Variants in CCNB3 observed in about 807,000 individuals in gnomAD.
The protein encoded by CCNB3 is cyclin B3.
CCNB3 carries 12 observed loss-of-function variants against 68.0 expected under a neutral mutation model. The observed-to-expected ratio is 0.18, with a 90% CI of 0.11 to 0.29. CCNB3 has a LOEUF of 0.29. Ranked by LOEUF, CCNB3 falls within the 10% of genes least tolerant of loss-of-function variation. The probability of loss-of-function intolerance (pLI) is 1.00; values close to 1 mark genes in which losing one functional copy is unlikely to be tolerated. For missense variants in CCNB3, 904 were observed against 993.1 expected (o/e 0.91, Z 1.21); for synonymous variants, 354 against 388.9 (o/e 0.91, Z 1.06).
chrX:50,227,174 G>T (rs1194081686), intron 1 of CCNB3, among the ~76,000 whole-genome samples: 7 of 77,324 alleles, frequency 9.1e-5, no homozygotes, highest in Non-Finnish European at 1.6e-4. Flanking sequence ...TATATATATA[G>T]AATATAAGTA....
chrX:50,217,504 C>T (rs1935596921), intron 1 of CCNB3, among the ~76,000 whole-genome samples: 1 of 110,326 alleles, frequency 9.1e-6, no homozygotes, highest in Non-Finnish European at 1.9e-5. Context: ...CATCTCCTGA[C>T]CTCGTGATCT....
chrX:50,310,836 G>A lies in CCNB3; in HGVS notation c.2667G>A (p.Glu889=), dbSNP rs1661237254. 5.0e-6 allele frequency: 6 copies of A among 1,210,303 alleles called. 1 individual carries two copies. The African/African-American group carries it at 7.0e-5, about 14-fold the overall frequency. The change falls in exon 6 of 13, where the codon GAG becomes GAA. Residue 889 remains glutamate (E), a synonymous_variant. Coordinates refer to ENST00000376042, the MANE Select transcript of CCNB3 (RefSeq NM_033031.3). ...ALWEKPSTEK[E]TIFKESLDLQ... ...GGGAGAAGCCCAGCACTGAGAAGGA[G>A]ACCATCTTCAAGGAGTCTTTGGACT... is the stretch of plus-strand genomic sequence containing the variant.
At chrX:50,213,254 C>T (rs1426273880) in intron 1 of CCNB3, among the ~76,000 whole-genome samples, 1 of 112,164 alleles carries the variant, frequency 8.9e-6, no homozygotes, top group Non-Finnish European at 1.9e-5. Context: ...AGGTCTTTCT[C>T]TTAATGATGT....
chrX:50,226,904 A>AATATATAGTATATATATATTCT (rs1935847998), intron 1 of CCNB3, among the ~76,000 whole-genome samples: 3 of 54,313 alleles, frequency 5.5e-5, no homozygotes, highest in African/African-American at 3.2e-4. Context: ...ATATATATAG[A>AATATATAGTATATATATATTCT]ATATATAGTA....
intron 8 of CCNB3, among the ~76,000 whole-genome samples, chrX:50,316,908 A>G (rs1319441486): frequency 8.9e-6 from 1 of 112,348 alleles, no homozygotes; most frequent in Non-Finnish European, 1.9e-5. Context: ...CTGTACATTA[A>G]TGTACAGGTT....
chrX:50,306,804 A>G (rs1293836642), intron 5 of CCNB3, among the ~76,000 whole-genome samples: 1 of 111,884 alleles, frequency 8.9e-6, no homozygotes, highest in Non-Finnish European at 1.9e-5. Flanking sequence ...TTAATTTTGC[A>G]TTCCTGGTAT....
At chrX:50,312,002 C>T (rs781944050) in intron 6 of CCNB3, among the ~76,000 whole-genome samples, 43 of 110,449 alleles carry the variant, frequency 3.9e-4, no homozygotes, top group African/African-American at 1.1e-3. Flanking sequence ...ATTTGCATCA[C>T]GGTGGGCTTT....
intron 1 of CCNB3, among the ~76,000 whole-genome samples, chrX:50,211,653 C>T (rs1370280883): frequency 8.9e-6 from 1 of 111,736 alleles, no homozygotes; most frequent in Non-Finnish European, 1.9e-5. Context: ...TGCACTCCAG[C>T]CTCCTTTGCG....
chrX:50,226,873 AAT>A (rs1935845638), intron 1 of CCNB3, among the ~76,000 whole-genome samples: 1 of 65,524 alleles, frequency 1.5e-5, no homozygotes, highest in South Asian at 6.3e-4. Flanking sequence ...GAATATATAG[AAT>A]ATATATAGAA....
chrX:50,314,262 A>G (rs1921613995), intron 8 of CCNB3, among the ~76,000 whole-genome samples: 1 of 112,155 alleles, frequency 8.9e-6, no homozygotes, highest in Non-Finnish European at 1.9e-5. Context: ...TTGTAAAAGT[A>G]TATCTAGTGA....
At chrX:50,214,341 T>C (rs1270262890) in intron 1 of CCNB3, among the ~76,000 whole-genome samples, 1 of 103,377 alleles carries the variant, frequency 9.7e-6, no homozygotes, top group African/African-American at 3.4e-5. Context: ...TCCTAAGTTA[T>C]GCTTGCATTG....
At chrX:50,336,379 C>T (rs1557218848) in intron 8 of CCNB3, among the ~76,000 whole-genome samples, 1 of 112,198 alleles carries the variant, frequency 8.9e-6, no homozygotes, top group East Asian at 2.8e-4. Flanking sequence ...TTTCACCTGG[C>T]CTGGCGTTCG....
chrX:50,314,016 A>T (rs1339318450), intron 8 of CCNB3, 68 bp downstream of exon 8: 5 of 798,820 alleles, frequency 6.3e-6, no homozygotes, highest in Non-Finnish European at 9.4e-6. Flanking sequence ...CCAGGCCAAA[A>T]ACATGGTAAA....
chrX:50,294,986 C>A lies in CCNB3; in HGVS notation c.328C>A (p.Leu110Ile). 1 of 1,203,674 alleles carries A rather than the reference C, an allele frequency of 8.3e-7. No homozygotes were observed. The highest frequency in any genetic ancestry group is 1.1e-6 in the Non-Finnish European group (1 of 891,298). ...ACTGGCCAAAAAGAATAAGCGGAAT[C>A]TAAAATGGTGAGTGAAAGGGGACTC... Reference protein sequence around the residue: ...LGLAKKNKRNLKWHKLEVTPV... With the variant: ...LGLAKKNKRNIKWHKLEVTPV... Residue 110 changes from leucine (L) to isoleucine (I), a missense_variant, in exon 5 of 13, where the codon CTA (leucine) becomes ATA (isoleucine). By Grantham distance (5) the Leu-to-Ile change is conservative (BLOSUM62 2). This residue lies in a region of CCNB3 where 619 missense variants were observed against 609.8 expected (regional missense o/e 1.02). Transcript: ENST00000376042.
chrX:50,330,011 G>A (rs897921804), intron 8 of CCNB3, among the ~76,000 whole-genome samples: 9 of 111,780 alleles, frequency 8.1e-5, no homozygotes, highest in African/African-American at 2.6e-4. Context: ...GTAGCAGGAC[G>A]AGTCGCAGAC....
In CCNB3 at chrX:50,347,670, C is replaced by T; in HGVS notation, c.3855C>T (p.Ile1285=). The change falls in exon 11 of 13, where the codon ATC becomes ATT. Residue 1285 remains isoleucine (I), a synonymous_variant. Coordinates refer to ENST00000376042, the MANE Select transcript of CCNB3 (RefSeq NM_033031.3). ...AGACACTGACCTTGTCCCGCTACAT[C>T]TGCGAGATGACCCTGCAGGAATACC... is the stretch of plus-strand genomic sequence containing the variant. ...NMKTLTLSRY[I]CEMTLQEYHY... 1 of 1,210,678 alleles carries T rather than the reference C, an allele frequency of 8.3e-7. No individual in the cohort carries two copies. The highest frequency in any genetic ancestry group is 1.1e-6 in the Non-Finnish European group (1 of 895,025).
At chrX:50,313,401 A>C (rs943173129) in intron 7 of CCNB3, among the ~76,000 whole-genome samples, 3 of 112,008 alleles carry the variant, frequency 2.7e-5, no homozygotes, top group African/African-American at 9.7e-5. Context: ...TTGGTTCAGC[A>C]GTATCAGTTT....
At chrX:50,218,226 AT>A (rs1220034640) in intron 1 of CCNB3, among the ~76,000 whole-genome samples, 1 of 111,086 alleles carries the variant, frequency 9.0e-6, no homozygotes, top group African/African-American at 3.3e-5. Context: ...CTAATTGTTC[AT>A]TTTCTTGCCA....
At chrX:50,299,919 G>T (rs1936585926) in intron 5 of CCNB3, among the ~76,000 whole-genome samples, 1 of 110,589 alleles carries the variant, frequency 9.0e-6, no homozygotes, top group Admixed American at 9.6e-5. Flanking sequence ...ATCTTTGTTG[G>T]TTTAAAGTCT....
Sources: allele counts gnomAD v4.1 joint callset (sites outside exome capture counted in the v4.1 genomes callset), GRCh38; gene constraint gnomAD v4.1.1; regional missense constraint gnomAD v4.1.1; transcripts MANE v1.5; gene names NCBI Gene and HGNC (gene_info 2026-07-23, HGNC 2026-07-21).